The following TET1 variants were observed in gnomAD, a reference collection of about 807,000 sequenced individuals.
TET1 encodes the protein tet methylcytosine dioxygenase 1, also known as methylcytosine dioxygenase TET1.
Under a neutral mutation model 148.7 loss-of-function variants are expected in TET1, and 13 were observed. The ratio of observed to expected loss-of-function variants is 0.09; its 90% CI spans 0.06 to 0.14. TET1 has a LOEUF of 0.14. TET1 is among the 10% of genes least tolerant of loss of function. TET1 has a pLI of 1.00. For missense variants in TET1, 2,182 were observed against 2,553.8 expected (o/e 0.85, Z 3.14); for synonymous variants, 907 against 937.2 (o/e 0.97, Z 0.59).
At chr10:68,585,283 C>T (rs989223158) in intron 2 of TET1, among the ~76,000 whole-genome samples, 69 of 152,012 alleles carry the variant, frequency 4.5e-4, no homozygotes, top group African/African-American at 1.7e-3. Context: ...GGATTACAGG[C>T]GTGAGGCACT....
intron 3 of TET1, among the ~76,000 whole-genome samples, chr10:68,632,131 C>T (rs2133031719): frequency 6.6e-6 from 1 of 152,048 alleles, no homozygotes; most frequent in South Asian, 2.1e-4. Flanking sequence ...ACCATCGTGG[C>T]TAACATGGTG....
chr10:68,592,778 G>A (rs1438497818), intron 2 of TET1, among the ~76,000 whole-genome samples: 1 of 152,068 alleles, frequency 6.6e-6, no homozygotes, highest in Non-Finnish European at 1.5e-5. Flanking sequence ...CTTCCCCTGG[G>A]AAGCCTCCTC....
intron 2 of TET1, among the ~76,000 whole-genome samples, chr10:68,586,491 T>TTTTTTTG (rs1564954774): frequency 1.3e-5 from 2 of 150,178 alleles, no homozygotes; most frequent in African/African-American, 5.0e-5. Flanking sequence ...TAACGTTTTT[T>TTTTTTTG]TTTTTTTTTT....
intron 7 of TET1, among the ~76,000 whole-genome samples, chr10:68,670,070 A>G (rs150078058): frequency 2.4e-3 from 366 of 152,316 alleles, no homozygotes; most frequent in Non-Finnish European, 3.9e-3. Flanking sequence ...TGAGAGCTAG[A>G]TGTAGACTTT....
intron 3 of TET1, among the ~76,000 whole-genome samples, chr10:68,609,293 T>C (rs1043347146): frequency 1.3e-5 from 2 of 152,114 alleles, no homozygotes; most frequent in African/African-American, 2.4e-5. Context: ...TCCCTAGTGG[T>C]TGGGATTACA....
intron 2 of TET1, among the ~76,000 whole-genome samples, chr10:68,594,070 C>T (rs1157971316): frequency 6.6e-6 from 1 of 151,710 alleles, no homozygotes; most frequent in Non-Finnish European, 1.5e-5. Context: ...GGACTACAGG[C>T]ATGCGCCACC....
At chr10:68,690,762 C>A in intron 11 of TET1, 46 bp from the exon 12 acceptor site, 1 of 1,518,502 alleles carries the variant, frequency 6.6e-7, no homozygotes, top group Non-Finnish European at 8.8e-7. Flanking sequence ...GCAACCCCTA[C>A]CAAAAGTAAT....
chr10:68,679,104 G>C (rs925080295), intron 8 of TET1, among the ~76,000 whole-genome samples: 1 of 152,186 alleles, frequency 6.6e-6, no homozygotes, highest in African/African-American at 2.4e-5. Flanking sequence ...TTGAACCTGG[G>C]AGGTGGAGGA....
chr10:68,570,827 G>A (rs1198570225), intron 1 of TET1, among the ~76,000 whole-genome samples: 1 of 151,050 alleles, frequency 6.6e-6, no homozygotes, highest in South Asian at 2.1e-4. Flanking sequence ...TAAAGATGGG[G>A]TTTCACCGTG....
rs905203147 is a variant in TET1 at position 68,694,161 on chromosome 10, C to T, written c.*2347C>T. 4.3e-5 allele frequency: 10 copies of T among 232,570 alleles called. No homozygotes were observed. The highest frequency in any genetic ancestry group is 5.6e-5 in the Admixed American group (1 of 17,778). 14.4% of individuals were successfully genotyped at this position (232,570 alleles called of 1,614,324 possible). A position where few individuals can be genotyped will look rare whatever the true frequency, so the allele number is the denominator to read the frequency against. On this transcript the variant is annotated 3_prime_UTR_variant, in exon 12 of 12. Transcript: ENST00000373644. ...TTTTTGGAACTATTGGGATTTGTGA[C>T]GCTTGTTGCAGTTTACCAAAACAAG...
At chr10:68,686,165 T>G (rs560414875) in intron 10 of TET1, among the ~76,000 whole-genome samples, 191 bp from the exon 11 acceptor site, 3 of 152,298 alleles carry the variant, frequency 2.0e-5, no homozygotes, top group South Asian at 4.1e-4. Flanking sequence ...TACAAACAAC[T>G]GGGAAGTTAC....
At chr10:68,664,992 G>A (rs911172513) in intron 6 of TET1, among the ~76,000 whole-genome samples, 12 of 151,782 alleles carry the variant, frequency 7.9e-5, no homozygotes, top group African/African-American at 2.9e-4. Flanking sequence ...GGCTGGCCTC[G>A]AACTCTTGGC....
At chr10:68,582,446 G>A (rs546029723) in intron 2 of TET1, among the ~76,000 whole-genome samples, 1 of 152,138 alleles carries the variant, frequency 6.6e-6, no homozygotes, top group Non-Finnish European at 1.5e-5. Context: ...TACCACGCTA[G>A]CCTCTTAATT....
rs2055203336 is a variant in TET1, at chr10:68,666,983, A to G, written c.4462-62A>G. The G allele has an allele frequency of 2.2e-6, 3 of 1,352,386 alleles. No individual in the cohort carries two copies. The African/African-American group carries it at 4.3e-5, about 19-fold the overall frequency. 83.8% of individuals were successfully genotyped at this position (1,352,386 alleles called of 1,614,324 possible). ...AATCATGGAGAACATCAAAAGGAATATCCATTGCATTCAAATTTGGCATAC... is the reference window on the plus strand; with the variant it reads ...AATCATGGAGAACATCAAAAGGAATGTCCATTGCATTCAAATTTGGCATAC... On this transcript the variant is annotated intron_variant, in intron 6 of 11. Transcript: ENST00000373644.
intron 1 of TET1, among the ~76,000 whole-genome samples, chr10:68,568,453 C>T (rs2053631109): frequency 6.6e-6 from 1 of 152,012 alleles, no homozygotes; most frequent in Non-Finnish European, 1.5e-5. Flanking sequence ...GAACTCCTGA[C>T]CTCAGGTGAT....
At chr10:68,672,844 G>A in intron 7 of TET1, 51 bp from the exon 8 acceptor site, 1 of 1,530,488 alleles carries the variant, frequency 6.5e-7, no homozygotes, top group South Asian at 1.3e-5. Flanking sequence ...TGTTCTCTCT[G>A]AGGTATTGTA....
At chr10:68,650,339 T>C (rs1216109140) in intron 4 of TET1, among the ~76,000 whole-genome samples, 1 of 152,126 alleles carries the variant, frequency 6.6e-6, no homozygotes, top group Non-Finnish European at 1.5e-5. Context: ...AAGTGTATCT[T>C]ACTTAAGAAG....
chr10:68,594,418 C>G (rs1007687671), intron 2 of TET1, among the ~76,000 whole-genome samples: 1 of 152,150 alleles, frequency 6.6e-6, no homozygotes, highest in African/African-American at 2.4e-5. Context: ...TCAATTCTTG[C>G]TTTAGAAGAG....
At chr10:68,665,285 C>T (rs1279999919) in intron 6 of TET1, among the ~76,000 whole-genome samples, 1 of 98,588 alleles carries the variant, frequency 1.0e-5, no homozygotes, top group East Asian at 2.6e-4. Flanking sequence ...TACACATACA[C>T]ACACACACAC....
Sources: gnomAD v4.1 joint callset for allele counts (sites outside exome capture counted in the v4.1 genomes callset) on GRCh38, gnomAD v4.1.1 for gene constraint, MANE v1.5 for transcripts, NCBI Gene and HGNC (gene_info 2026-07-23, HGNC 2026-07-21) for gene names.